The following HOXC5 variants were observed in gnomAD, a reference collection of about 807,000 sequenced individuals.
HOXC5 encodes the protein homeobox C5.
Under a neutral mutation model 20.1 loss-of-function variants are expected in HOXC5, and 19 were observed. The observed-to-expected ratio is 0.94, with a 90% CI of 0.66 to 1.38. HOXC5 has a LOEUF of 1.38. Ranked by LOEUF, HOXC5 falls within the 40% of genes most tolerant of loss-of-function variation. The pLI is 0.00. For synonymous variants in HOXC5, 124 were observed against 117.0 expected, an observed-to-expected ratio of 1.06 and a Z score of -0.39; for missense variants, 330 against 300.1, an observed-to-expected ratio of 1.10 and a Z score of -0.74.
At chr12:54,028,477 A>C (rs1281978508), upstream of HOXC5, 1 of 1,578,772 alleles carries the variant, frequency 6.3e-7, no homozygotes, top group African/African-American at 1.4e-5. Flanking sequence ...GGAGACAGAA[A>C]TAAATATTAA....
chr12:54,032,001 G>A (rs1447621519), upstream of HOXC5, among the ~76,000 whole-genome samples: 1 of 152,174 alleles, frequency 6.6e-6, no homozygotes, highest in Non-Finnish European at 1.5e-5. Flanking sequence ...CCTCTGCCAT[G>A]CTCACGTAAT....
chr12:54,022,827 C>T, the HOXC5 span, among the ~76,000 whole-genome samples: 1 of 152,076 alleles, frequency 6.6e-6, no homozygotes, highest in African/African-American at 2.4e-5. Context: ...TTTTATAATT[C>T]TCATGAACCT....
At chr12:54,032,683 T>C (rs905451479), upstream of HOXC5, among the ~76,000 whole-genome samples, 2 of 152,172 alleles carry the variant, frequency 1.3e-5, no homozygotes, top group Non-Finnish European at 2.9e-5. Flanking sequence ...CTTCACAGTG[T>C]AGGAAATCCA....
the HOXC5 span, among the ~76,000 whole-genome samples, chr12:54,027,400 A>G: frequency 6.6e-6 from 1 of 152,230 alleles, no homozygotes; most frequent in Admixed American, 6.5e-5. Context: ...TTGAGCCTGC[A>G]GGAAGCTAAC....
upstream of HOXC5, among the ~76,000 whole-genome samples, chr12:54,031,989 T>C (rs1941004518): frequency 6.6e-6 from 1 of 152,238 alleles, no homozygotes; most frequent in South Asian, 2.1e-4. Context: ...AACGGGCCTT[T>C]TCCTCTGCCA....
At chr12:54,029,654 G>T, upstream of HOXC5, 1 of 1,610,630 alleles carries the variant, frequency 6.2e-7, no homozygotes, top group Non-Finnish European at 8.5e-7. Context: ...CGGATCTTTA[G>T]GGGTCGGCTA....
the HOXC5 span, among the ~76,000 whole-genome samples, chr12:54,018,796 C>T: frequency 1.3e-5 from 2 of 152,236 alleles, no homozygotes; most frequent in East Asian, 3.9e-4. Flanking sequence ...TCCGAGAGAA[C>T]CTGGGGGCCA....
At chr12:54,033,607 G>A in intron 1 of HOXC5, 31 bp downstream of exon 1, 2 of 1,489,626 alleles carry the variant, frequency 1.3e-6, no homozygotes, top group South Asian at 1.3e-5. Flanking sequence ...TTGCGCTCTC[G>A]GGTCCGCCTG....
chr12:54,027,274 C>T, the HOXC5 span, among the ~76,000 whole-genome samples: 1 of 152,168 alleles, frequency 6.6e-6, no homozygotes, highest in Non-Finnish European at 1.5e-5. Context: ...TGGGTGAGAG[C>T]TCCTTAGAAC....
At position 54,033,497 on chromosome 12, in the gene HOXC5, A is replaced by G. The variant is rs1565745525; in HGVS notation, c.375A>G (p.Thr125=). 5 of 1,591,438 alleles carry G rather than the reference A, an allele frequency of 3.1e-6. No homozygotes were observed. In the South Asian group the frequency reaches 4.5e-5, roughly 14 times the overall value. Reference sequence around the variant, plus strand: ...AGATCAAAGAGGAGCAGGCGCAGACAGGGCAGCCCGCCGGACTGAGCCAGC... The same window carrying G: ...AGATCAAAGAGGAGCAGGCGCAGACGGGGCAGCCCGCCGGACTGAGCCAGC... ...SGEIKEEQAQ[T]GQPAGLSQPP... The change falls in exon 1 of 2, where the codon ACA becomes ACG. Residue 125 remains threonine (T), a synonymous_variant. Transcript: ENST00000312492.
the HOXC5 span, among the ~76,000 whole-genome samples, chr12:54,027,273 G>A: frequency 6.6e-6 from 1 of 152,204 alleles, no homozygotes; most frequent in Admixed American, 6.5e-5. Context: ...TTGGGTGAGA[G>A]CTCCTTAGAA....
At chr12:54,028,297 C>CA (rs1276549552), upstream of HOXC5, 1 of 389,826 alleles carries the variant, frequency 2.6e-6, no homozygotes, top group Non-Finnish European at 4.6e-6. Context: ...GTCTTACTTT[C>CA]AAAGCACACA....
chr12:54,027,147 T>TCGGATTCAGCTGCCTTTTC, the HOXC5 span, among the ~76,000 whole-genome samples: 1 of 152,252 alleles, frequency 6.6e-6, no homozygotes, highest in African/African-American at 2.4e-5. Context: ...CTCACAAGCC[T>TCGGATTCAGCTGCCTTTTC]CGGATTCAGC....
chr12:54,027,267 G>A, the HOXC5 span, among the ~76,000 whole-genome samples: 1 of 152,184 alleles, frequency 6.6e-6, no homozygotes, highest in Non-Finnish European at 1.5e-5. Context: ...TGGCACTTGG[G>A]TGAGAGCTCC....
At chr12:54,033,932 T>C in intron 1 of HOXC5, 1 of 384,582 alleles carries the variant, frequency 2.6e-6, no homozygotes, top group East Asian at 8.3e-5. Context: ...CGCTTGCGGC[T>C]CCGGAGGATT....
At chr12:54,017,562 G>C in the HOXC5 span, 1 of 152,148 alleles carries the variant, frequency 6.6e-6, no homozygotes, top group East Asian at 1.9e-4. Context: ...AAAATTGGCG[G>C]GGGGAGAGAA....
upstream of HOXC5, chr12:54,029,790 G>T: frequency 6.2e-7 from 1 of 1,614,082 alleles, no homozygotes; most frequent in Non-Finnish European, 8.5e-7. Flanking sequence ...AACGCGCTTT[G>T]CCTGACCGAG....
At chr12:54,031,119 G>T (rs1940969159), upstream of HOXC5, among the ~76,000 whole-genome samples, 1 of 152,380 alleles carries the variant, frequency 6.6e-6, no homozygotes, top group East Asian at 1.9e-4. Flanking sequence ...CCAACCCCAC[G>T]CAGGCCTTTC....
chr12:54,034,088 T>G (rs1941104462), intron 1 of HOXC5, 190 bp from the exon 2 acceptor site: 2 of 717,382 alleles, frequency 2.8e-6, no homozygotes, highest in Admixed American at 2.0e-5. Context: ...GGTGGAAAGT[T>G]TCCTGCCTGG....
Sources: allele counts gnomAD v4.1 joint callset (sites outside exome capture counted in the v4.1 genomes callset), GRCh38; gene constraint gnomAD v4.1.1; transcripts MANE v1.5; gene names NCBI Gene and HGNC (gene_info 2026-07-23, HGNC 2026-07-21).